Variants in CD55 observed in about 807,000 individuals in gnomAD.
CD55 encodes complement decay-accelerating factor.
Under a neutral mutation model 45.8 loss-of-function variants are expected in CD55, and 41 were observed. The ratio of observed to expected loss-of-function variants is 0.90; its 90% CI spans 0.70 to 1.16. The LOEUF (loss-of-function observed/expected upper bound fraction) is 1.16, where lower values mean the gene tolerates loss of function less well. Ranked by LOEUF, CD55 falls within the 50% of genes most tolerant of loss-of-function variation. CD55 has a pLI of 0.00. For missense variants in CD55, 416 were observed against 469.8 expected (o/e 0.89, Z 1.06); for synonymous variants, 181 against 181.1 (o/e 1.00, Z 0.01).
At position 207,359,639 on chromosome 1, in the gene CD55, A is replaced by G; in HGVS notation, c.*29A>G. On this transcript the variant is annotated 3_prime_UTR_variant, in exon 10 of 10. Coordinates refer to ENST00000367064, the MANE Select transcript of CD55 (RefSeq NM_000574.5). ...AAGAAGAGTTAAGAAGAAAATACAC[A>G]CAAGTATACAGACTGTTCCTAGTTT... The G allele has an allele frequency of 9.5e-6, 15 of 1,570,900 alleles. No individual in the cohort carries two copies. Among genetic ancestry groups the G allele is most frequent in the Non-Finnish European group, 1.3e-5 (15 of 1,165,284 alleles).
chr1:207,329,924 C>T (rs1262173892), intron 5 of CD55, among the ~76,000 whole-genome samples: 1 of 152,140 alleles, frequency 6.6e-6, no homozygotes, highest in East Asian at 1.9e-4. Context: ...CCCTTCTTTA[C>T]TTAGCTATAT....
At chr1:207,321,887 G>A in intron 1 of CD55, 22 bp downstream of exon 1, 1 of 1,490,036 alleles carries the variant, frequency 6.7e-7, no homozygotes. Context: ...CCCGGCGGCC[G>A]GGGAAGCCCC....
intron 2 of CD55, 110 bp from the exon 3 acceptor site, chr1:207,324,449 G>C (rs1250364493): frequency 1.6e-6 from 1 of 618,300 alleles, no homozygotes; most frequent in Non-Finnish European, 2.7e-6. Flanking sequence ...TACTAAATAT[G>C]CGCAAAGCAG....
intron 1 of CD55, 82 bp downstream of exon 1, chr1:207,321,947 G>A (rs531990715): frequency 5.9e-6 from 6 of 1,009,280 alleles, no homozygotes; most frequent in Admixed American, 2.8e-5. Flanking sequence ...CACAGGGGCC[G>A]GCGACTTGGC....
At chr1:207,334,213 CAA>C (rs1655071802) in intron 6 of CD55, among the ~76,000 whole-genome samples, 1 of 151,890 alleles carries the variant, frequency 6.6e-6, no homozygotes, top group Non-Finnish European at 1.5e-5. Flanking sequence ...TGATGCAAAC[CAA>C]AAGACAATAA....
rs28371641 is a variant in CD55, at chr1:207,355,116, A to G, written c.1082-4430A>G. ...GTTAAATAAACTTCTAAAGTAAAAT[A>G]CTGTAAAAACTTACCTGTGGTAGAA... On this transcript the variant is annotated intron_variant, in intron 9 of 9. Coordinates refer to ENST00000367064, the MANE Select transcript of CD55 (RefSeq NM_000574.5). 1.5e-3 allele frequency among the ~76,000 whole-genome samples: 233 copies of G among 152,352 alleles called. 1 individual carries two copies. Among genetic ancestry groups the G allele is most frequent in the African/African-American group, 5.4e-3 (223 of 41,570 alleles).
chr1:207,354,000 T>C (rs1425847446), intron 9 of CD55: 1 of 1,533,158 alleles, frequency 6.5e-7, no homozygotes, highest in Non-Finnish European at 8.7e-7. Context: ...CATTTCCACT[T>C]TGTTAGCTCT....
At chr1:207,327,420 GTGTC>G (rs1654735287) in intron 5 of CD55, among the ~76,000 whole-genome samples, 1 of 152,108 alleles carries the variant, frequency 6.6e-6, no homozygotes, top group Admixed American at 6.5e-5. Context: ...AAGAAATACT[GTGTC>G]TGTATTTGAG....
At chr1:207,346,472 A>C (rs969610576) in intron 9 of CD55, among the ~76,000 whole-genome samples, 1 of 152,064 alleles carries the variant, frequency 6.6e-6, no homozygotes, top group African/African-American at 2.4e-5. Flanking sequence ...TGCTTAGGTG[A>C]GGACAGTGTG....
Position 207,323,729 on chromosome 1 carries a change from C to G in CD55, c.287-830C>G, listed in dbSNP as rs28371599. 7.1e-3 allele frequency among the ~76,000 whole-genome samples: 1,079 copies of G among 152,302 alleles called. 14 individuals carry two copies. Among genetic ancestry groups the G allele is most frequent in the African/African-American group, 0.025 (1,025 of 41,570 alleles). Reference sequence around the variant, plus strand: ...GGCTTTAACTTTTTATTTTTATCCACAATAGAGGCAGTAGGATGAAGTACA... The same window carrying G: ...GGCTTTAACTTTTTATTTTTATCCAGAATAGAGGCAGTAGGATGAAGTACA... On this transcript the variant is annotated intron_variant, in intron 2 of 9. Coordinates refer to ENST00000367064, the MANE Select transcript of CD55 (RefSeq NM_000574.5).
At chr1:207,330,966 G>A (rs1440307955) in intron 5 of CD55, 142 bp from the exon 6 acceptor site, 9 of 643,842 alleles carry the variant, frequency 1.4e-5, no homozygotes, top group Non-Finnish European at 2.3e-5. Flanking sequence ...GCATTTATAA[G>A]CATCTCTTGT....
intron 5 of CD55, 145 bp from the exon 6 acceptor site, chr1:207,330,963 T>C: frequency 4.7e-6 from 3 of 639,848 alleles, no homozygotes; most frequent in Non-Finnish European, 7.9e-6. Context: ...TAGGCATTTA[T>C]AAGCATCTCT....
intron 8 of CD55, among the ~76,000 whole-genome samples, chr1:207,338,858 CA>C (rs1314199836): frequency 2.6e-5 from 4 of 152,078 alleles, no homozygotes; most frequent in Non-Finnish European, 5.9e-5. Flanking sequence ...ACTCTTGAGT[CA>C]ATGTGTTCAC....
At chr1:207,346,072 G>A (rs977601574) in intron 9 of CD55, among the ~76,000 whole-genome samples, 1 of 152,250 alleles carries the variant, frequency 6.6e-6, no homozygotes, top group African/African-American at 2.4e-5. Context: ...TGCCAGAAAT[G>A]GCGGGTGACC....
intron 9 of CD55, chr1:207,340,422 G>A: frequency 1.7e-6 from 1 of 579,696 alleles, no homozygotes; most frequent in South Asian, 2.0e-5. Flanking sequence ...CTGGTATGCG[G>A]TGGTGTGATC....
At chr1:207,343,291 T>C (rs1323365386) in intron 9 of CD55, among the ~76,000 whole-genome samples, 1 of 152,138 alleles carries the variant, frequency 6.6e-6, no homozygotes. Context: ...GAAATCTTTC[T>C]ACTTTTTTGA....
intron 5 of CD55, among the ~76,000 whole-genome samples, chr1:207,329,443 C>T (rs184365798): frequency 6.6e-6 from 1 of 152,278 alleles, no homozygotes; most frequent in East Asian, 1.9e-4. Flanking sequence ...ACTTAGACAT[C>T]TATTTCCTCC....
chr1:207,335,465 CTA>C (rs1655128244), intron 6 of CD55, among the ~76,000 whole-genome samples: 1 of 152,054 alleles, frequency 6.6e-6, no homozygotes, highest in Non-Finnish European at 1.5e-5. Flanking sequence ...GAAAAGATAA[CTA>C]AAAAATTAAC....
Position 207,360,756 on chromosome 1 carries a change from G to A in CD55, c.*1146G>A, listed in dbSNP as rs904799770. On this transcript the variant is annotated 3_prime_UTR_variant, in exon 10 of 10. Coordinates refer to ENST00000367064, the MANE Select transcript of CD55 (RefSeq NM_000574.5). ...ATTTCTAGGTTTTTACCATATTCTT[G>A]TCATCTTGCCAATTACATTTTAAGT... 1 of 151,958 alleles carries A rather than the reference G, an allele frequency of 6.6e-6. No homozygotes were observed. The highest frequency in any genetic ancestry group is 1.5e-5 in the Non-Finnish European group (1 of 67,978). The allele number at this position is 151,958 out of a possible 1,614,324, so 9.4% of individuals were successfully genotyped here. A position where few individuals can be genotyped will look rare whatever the true frequency, so the allele number is the denominator to read the frequency against.
Sources: gnomAD v4.1 joint callset for allele counts (sites outside exome capture counted in the v4.1 genomes callset) on GRCh38, gnomAD v4.1.1 for gene constraint, MANE v1.5 for transcripts, NCBI Gene and HGNC (gene_info 2026-07-23, HGNC 2026-07-21) for gene names.